Variants in EPB41L4A observed in about 807,000 individuals in gnomAD.
The protein encoded by EPB41L4A is erythrocyte membrane protein band 4.1 like 4A, also known as band 4.1-like protein 4A.
A neutral mutation model predicts 108.6 loss-of-function variants in EPB41L4A; 100 were observed. The ratio of observed to expected loss-of-function variants is 0.92; its 90% CI spans 0.78 to 1.09. The LOEUF (loss-of-function observed/expected upper bound fraction) is 1.09, where lower values mean the gene tolerates loss of function less well. Among genes scored for constraint, EPB41L4A ranks in the 50% least tolerant of loss-of-function variants. EPB41L4A has a pLI of 0.00. For missense variants in EPB41L4A, 1,030 were observed against 842.7 expected (o/e 1.22, Z -2.75); for synonymous variants, 319 against 289.0 (o/e 1.10, Z -1.05).
chr5:112,287,020 TCACTGGC>T (rs1753329762), intron 2 of EPB41L4A, among the ~76,000 whole-genome samples: 1 of 152,188 alleles, frequency 6.6e-6, no homozygotes. Context: ...TCCTCCCGTC[TCACTGGC>T]CACGTCTTCA....
chr5:112,149,922 G>A (rs1395458844), intron 12 of EPB41L4A, among the ~76,000 whole-genome samples: 3 of 152,142 alleles, frequency 2.0e-5, no homozygotes, highest in African/African-American at 7.2e-5. Flanking sequence ...CATGAGGCCT[G>A]TGCAAAATGT....
chr5:112,322,489 T>C (rs1196056433), intron 1 of EPB41L4A, among the ~76,000 whole-genome samples: 1 of 152,120 alleles, frequency 6.6e-6, no homozygotes, highest in Non-Finnish European at 1.5e-5. Context: ...GATTTTAAAG[T>C]TCCCTAAAGT....
intron 1 of EPB41L4A, among the ~76,000 whole-genome samples, chr5:112,359,521 G>A (rs182570752): frequency 0.012 from 1,791 of 151,556 alleles, 28 homozygotes; most frequent in South Asian, 0.038. Context: ...AGGATACATA[G>A]AAGAAATATC....
chr5:112,233,972 G>A (rs533181842), intron 12 of EPB41L4A, among the ~76,000 whole-genome samples: 1 of 151,790 alleles, frequency 6.6e-6, no homozygotes, highest in South Asian at 2.1e-4. Flanking sequence ...GACATTACAG[G>A]TATGAGCCAT....
intron 1 of EPB41L4A, among the ~76,000 whole-genome samples, chr5:112,348,222 T>C (rs753916891): frequency 1.8e-4 from 28 of 152,098 alleles, no homozygotes; most frequent in Non-Finnish European, 3.7e-4. Context: ...CCTCAAGTCT[T>C]CTCCTTCATG....
At position 112,243,888 on chromosome 5, in the gene EPB41L4A, A is replaced by C. The variant is rs148490364; in HGVS notation, c.796-3078T>G. On this transcript the variant is annotated intron_variant, in intron 9 of 22. Coordinates refer to ENST00000261486, the MANE Select transcript of EPB41L4A (RefSeq NM_022140.5). The stretch of plus-strand genomic sequence containing the variant: ...TTGGATCTTCTATCCAGACCATTCG[A>C]ACTTTCTCCAAATTAGCAGTAAGAC... Among the ~76,000 whole-genome samples the C allele has an allele frequency of 1.9e-4, 29 of 152,320 alleles. No individual in the cohort carries two copies. In the East Asian group the frequency reaches 5.4e-3, roughly 28 times the overall value.
chr5:112,253,459 G>C (rs978851838), intron 9 of EPB41L4A, among the ~76,000 whole-genome samples: 1 of 152,134 alleles, frequency 6.6e-6, no homozygotes, highest in East Asian at 1.9e-4. Context: ...GATTAAAGGA[G>C]GTTATCTGAA....
intron 1 of EPB41L4A, among the ~76,000 whole-genome samples, chr5:112,403,148 G>A (rs761449903): frequency 6.6e-6 from 1 of 152,072 alleles, no homozygotes; most frequent in Non-Finnish European, 1.5e-5. Context: ...TTGATCCACT[G>A]TCAACCTGGA....
chr5:112,307,369 A>T lies in EPB41L4A; in HGVS notation c.204+17T>A, dbSNP rs373897074. 3.1e-5 allele frequency: 48 copies of T among 1,551,834 alleles called. No homozygotes were observed. Among genetic ancestry groups the T allele is most frequent in the Non-Finnish European group, 4.1e-5 (46 of 1,125,568 alleles). ...ATTTATAACCAGAAAAATTTAACAC[A>T]AAGTCACCTTACTCACCGTCTGATG... On this transcript the variant is annotated intron_variant, in intron 2 of 22. Transcript: ENST00000261486.
At chr5:112,214,760 C>CAT (rs1747494232) in intron 12 of EPB41L4A, among the ~76,000 whole-genome samples, 1 of 151,958 alleles carries the variant, frequency 6.6e-6, no homozygotes, top group Non-Finnish European at 1.5e-5. Flanking sequence ...AGCAAGACTC[C>CAT]ATCTCAAAAG....
chr5:112,385,543 T>C (rs1207902762), intron 1 of EPB41L4A, among the ~76,000 whole-genome samples: 2 of 149,546 alleles, frequency 1.3e-5, no homozygotes, highest in Non-Finnish European at 3.0e-5. Flanking sequence ...TCCCATTACC[T>C]AAAGCCAAAA....
chr5:112,260,023 ATC>A, intron 7 of EPB41L4A, 44 bp from the exon 8 acceptor site: 3 of 1,354,788 alleles, frequency 2.2e-6, no homozygotes, highest in Non-Finnish European at 3.2e-6. Context: ...TTCACATAAA[ATC>A]TCTTTGTCAA....
At chr5:112,181,248 G>A (rs369648131) in intron 18 of EPB41L4A, among the ~76,000 whole-genome samples, 20 of 151,966 alleles carry the variant, frequency 1.3e-4, no homozygotes, top group African/African-American at 4.1e-4. Flanking sequence ...TCAGGAGATC[G>A]AGACCATCCT....
At chr5:112,243,722 T>C (rs1006344405) in intron 9 of EPB41L4A, among the ~76,000 whole-genome samples, 2 of 152,210 alleles carry the variant, frequency 1.3e-5, no homozygotes, top group Non-Finnish European at 2.9e-5. Flanking sequence ...GCTACTGTCC[T>C]TCAACCTAAT....
chr5:112,375,348 C>T (rs1311247291), intron 1 of EPB41L4A, among the ~76,000 whole-genome samples: 1 of 150,288 alleles, frequency 6.7e-6, no homozygotes, highest in Admixed American at 6.6e-5. Context: ...CACACACACA[C>T]ACACACACCC....
At chr5:112,246,447 A>G (rs990336896) in intron 9 of EPB41L4A, among the ~76,000 whole-genome samples, 1 of 152,136 alleles carries the variant, frequency 6.6e-6, no homozygotes, top group African/African-American at 2.4e-5. Context: ...TTGTGAAAGG[A>G]AATTAAATTT....
At chr5:112,292,542 C>T (rs1753716678) in intron 2 of EPB41L4A, among the ~76,000 whole-genome samples, 1 of 152,148 alleles carries the variant, frequency 6.6e-6, no homozygotes, top group Admixed American at 6.6e-5. Context: ...TTAACAATTC[C>T]AAGAACATCT....
chr5:112,342,932 G>C (rs1375352358), intron 1 of EPB41L4A, among the ~76,000 whole-genome samples: 1 of 152,104 alleles, frequency 6.6e-6, no homozygotes, highest in African/African-American at 2.4e-5. Flanking sequence ...AAGTACTTTG[G>C]ATAGAACGGT....
intron 4 of EPB41L4A, among the ~76,000 whole-genome samples, 187 bp from the exon 5 acceptor site, chr5:112,266,517 G>A (rs1421324068): frequency 2.6e-5 from 4 of 152,114 alleles, no homozygotes; most frequent in South Asian, 2.1e-4. Context: ...GGCAATACAC[G>A]GTTGTCGCTA....
Sources: allele counts gnomAD v4.1 joint callset (sites outside exome capture counted in the v4.1 genomes callset), GRCh38; gene constraint gnomAD v4.1.1; transcripts MANE v1.5; gene names NCBI Gene and HGNC (gene_info 2026-07-23, HGNC 2026-07-21).